ATP10B: variants seen among roughly 807,000 people sequenced by gnomAD.
ATP10B encodes phospholipid-transporting ATPase VB.
Under a neutral mutation model 141.2 loss-of-function variants are expected in ATP10B, and 122 were observed. The ratio of observed to expected loss-of-function variants is 0.86; its 90% CI spans 0.75 to 1.00. The LOEUF is 1.00. ATP10B is among the 50% of genes least tolerant of loss of function. The pLI is 0.00. For missense variants in ATP10B, 1,876 were observed against 1,825.3 expected (o/e 1.03, Z -0.51); for synonymous variants, 685 against 692.0 (o/e 0.99, Z 0.16).
chr5:160,649,658 A>G (rs1016597560), intron 7 of ATP10B, among the ~76,000 whole-genome samples: 11 of 152,348 alleles, frequency 7.2e-5, no homozygotes, highest in Admixed American at 7.2e-4. Flanking sequence ...TTCTTAAAAA[A>G]TTTAATTTGA....
intron 1 of ATP10B, among the ~76,000 whole-genome samples, chr5:160,788,304 A>C (rs376969722): frequency 1.3e-5 from 2 of 152,280 alleles, no homozygotes; most frequent in East Asian, 3.9e-4. Flanking sequence ...AAACAGCAAG[A>C]CGCCCAGGCC....
At chr5:160,920,534 A>G in the ATP10B span, among the ~76,000 whole-genome samples, 14 of 152,248 alleles carry the variant, frequency 9.2e-5, no homozygotes, top group Non-Finnish European at 1.5e-4. Flanking sequence ...AGCACATGGA[A>G]CTTACATTGA....
intron 1 of ATP10B, among the ~76,000 whole-genome samples, chr5:160,793,866 C>T (rs1228889420): frequency 3.3e-5 from 5 of 152,108 alleles, no homozygotes; most frequent in Non-Finnish European, 7.4e-5. Flanking sequence ...ACACAAATAC[C>T]ATTGTCTTAC....
At chr5:160,731,715 GA>G (rs1031176651) in intron 2 of ATP10B, among the ~76,000 whole-genome samples, 1 of 152,200 alleles carries the variant, frequency 6.6e-6, no homozygotes, top group African/African-American at 2.4e-5. Flanking sequence ...ACTATAGAAA[GA>G]AGGGGGAAGA....
At chr5:160,652,905 AT>A (rs1760924634) in intron 7 of ATP10B, among the ~76,000 whole-genome samples, 1 of 68,752 alleles carries the variant, frequency 1.5e-5, no homozygotes, top group African/African-American at 7.8e-5. Flanking sequence ...AATATATTAT[AT>A]ATACATGTAT....
At chr5:160,804,870 C>A (rs544739024) in intron 1 of ATP10B, among the ~76,000 whole-genome samples, 2 of 152,296 alleles carry the variant, frequency 1.3e-5, no homozygotes, top group Non-Finnish European at 2.9e-5. Context: ...TGCATATATG[C>A]AAGAGATTGG....
At chr5:160,793,916 G>GT (rs1771769945) in intron 1 of ATP10B, among the ~76,000 whole-genome samples, 1 of 152,004 alleles carries the variant, frequency 6.6e-6, no homozygotes, top group South Asian at 2.1e-4. Flanking sequence ...TGCTGTACAG[G>GT]CTTGTAGCCT....
At chr5:160,883,867 T>C in the ATP10B span, among the ~76,000 whole-genome samples, 1 of 152,182 alleles carries the variant, frequency 6.6e-6, no homozygotes, top group African/African-American at 2.4e-5. Context: ...ATTATTTTAG[T>C]GTTTGTACAG....
At chr5:160,836,011 A>T (rs1431872421) in intron 1 of ATP10B, among the ~76,000 whole-genome samples, 1 of 152,168 alleles carries the variant, frequency 6.6e-6, no homozygotes, top group Non-Finnish European at 1.5e-5. Flanking sequence ...AAACTCAAAT[A>T]CCACATGTTC....
intron 22 of ATP10B, among the ~76,000 whole-genome samples, chr5:160,597,646 T>C (rs1297249186): frequency 3.3e-5 from 5 of 152,106 alleles, no homozygotes; most frequent in African/African-American, 1.2e-4. Context: ...AACCTACTCA[T>C]CTGACAAAGG....
chr5:160,596,074 G>C (rs922827513), intron 22 of ATP10B, among the ~76,000 whole-genome samples: 125 of 151,814 alleles, frequency 8.2e-4, no homozygotes, highest in Non-Finnish European at 1.5e-3. Flanking sequence ...CCAAAGCCGG[G>C]CAGAGACACA....
chr5:160,883,243 G>A, the ATP10B span, among the ~76,000 whole-genome samples: 1 of 152,120 alleles, frequency 6.6e-6, no homozygotes, highest in Admixed American at 6.5e-5. Context: ...CAAGAATGTA[G>A]GAAATACTGT....
the ATP10B span, among the ~76,000 whole-genome samples, chr5:160,875,179 G>T: frequency 1.1e-4 from 13 of 121,478 alleles, no homozygotes; most frequent in African/African-American, 2.8e-4. Context: ...CACTAACAGC[G>T]GATCTCTTGG....
intron 1 of ATP10B, among the ~76,000 whole-genome samples, chr5:160,825,712 T>C (rs1285883568): frequency 6.6e-6 from 1 of 152,174 alleles, no homozygotes; most frequent in African/African-American, 2.4e-5. Flanking sequence ...GATACGGGGA[T>C]ACATGTGCAG....
chr5:160,844,911 A>G (rs776904430), intron 1 of ATP10B, among the ~76,000 whole-genome samples: 6 of 152,146 alleles, frequency 3.9e-5, no homozygotes, highest in Admixed American at 1.3e-4. Context: ...AAAAAAACTG[A>G]TATTTTTCAT....
intron 1 of ATP10B, among the ~76,000 whole-genome samples, chr5:160,849,618 TACACAC>T (rs796968833): frequency 5.9e-4 from 87 of 148,236 alleles, no homozygotes; most frequent in Admixed American, 1.6e-3. Context: ...TACTGGCAAT[TACACAC>T]ACACACACAC....
chr5:160,705,317 G>T (rs989915970), intron 3 of ATP10B, among the ~76,000 whole-genome samples: 4 of 152,040 alleles, frequency 2.6e-5, no homozygotes, highest in South Asian at 2.1e-4. Context: ...AACATCCCAG[G>T]CTCAAGCAAT....
At chr5:160,818,307 AAAAC>A (rs1338818015) in intron 1 of ATP10B, among the ~76,000 whole-genome samples, 1 of 152,182 alleles carries the variant, frequency 6.6e-6, no homozygotes, top group African/African-American at 2.4e-5. Context: ...TTACAAGAAC[AAAAC>A]AAACAACCCC....
At chr5:160,570,642 C>G (rs924052166) in intron 24 of ATP10B, among the ~76,000 whole-genome samples, 1 of 152,198 alleles carries the variant, frequency 6.6e-6, no homozygotes, top group African/African-American at 2.4e-5. Context: ...TTTAAAATCA[C>G]TCAACTCACT....
Sources: allele counts gnomAD v4.1 joint callset (sites outside exome capture counted in the v4.1 genomes callset), GRCh38; gene constraint gnomAD v4.1.1; transcripts MANE v1.5; gene names NCBI Gene and HGNC (gene_info 2026-07-23, HGNC 2026-07-21).